GNAI1: variants seen among roughly 807,000 people sequenced by gnomAD.
The protein encoded by GNAI1 is G protein subunit alpha i1.
Under a neutral mutation model 38.9 loss-of-function variants are expected in GNAI1, and 11 were observed. The ratio of observed to expected loss-of-function variants is 0.28; its 90% CI spans 0.18 to 0.47. The LOEUF (loss-of-function observed/expected upper bound fraction) is 0.47. GNAI1 is among the 20% of genes least tolerant of loss of function. The pLI is 0.99. For synonymous variants in GNAI1, 166 were observed against 145.1 expected (o/e 1.14, Z -1.04); for missense variants, 317 against 436.9 (o/e 0.73, Z 2.45).
chr7:80,138,075 T>A (rs1040063497), intron 1 of GNAI1, among the ~76,000 whole-genome samples: 3 of 152,206 alleles, frequency 2.0e-5, no homozygotes, highest in Non-Finnish European at 4.4e-5. Flanking sequence ...GTATAACCAG[T>A]GTCACAGCCA....
At chr7:80,211,443 G>A (rs1788871592) in intron 6 of GNAI1, among the ~76,000 whole-genome samples, 1 of 148,602 alleles carries the variant, frequency 6.7e-6, no homozygotes, top group Non-Finnish European at 1.5e-5. Flanking sequence ...TTTTGAGACG[G>A]AGTCTCGCCC....
intron 1 of GNAI1, among the ~76,000 whole-genome samples, chr7:80,144,358 TC>T (rs1455060579): frequency 6.6e-6 from 1 of 152,124 alleles, no homozygotes; most frequent in East Asian, 1.9e-4. Context: ...TTCTAAAACT[TC>T]CTGCACTGTT....
At chr7:80,189,999 T>C (rs1376246255) in intron 3 of GNAI1, among the ~76,000 whole-genome samples, 4 of 152,062 alleles carry the variant, frequency 2.6e-5, no homozygotes, top group African/African-American at 9.7e-5. Flanking sequence ...CTAGCAGATA[T>C]ATTATTGTAT....
At chr7:80,209,622 G>A (rs573690301) in intron 5 of GNAI1, among the ~76,000 whole-genome samples, 7 of 152,136 alleles carry the variant, frequency 4.6e-5, no homozygotes, top group Non-Finnish European at 8.8e-5. Context: ...GGAAATGTGG[G>A]CTAGGGTCAT....
At chr7:80,166,545 C>T (rs2116143775) in intron 1 of GNAI1, among the ~76,000 whole-genome samples, 1 of 152,220 alleles carries the variant, frequency 6.6e-6, no homozygotes. Flanking sequence ...ACTGGAGAGC[C>T]TCTTAGTTCC....
chr7:80,146,115 C>G (rs1437441750), intron 1 of GNAI1, among the ~76,000 whole-genome samples: 3 of 152,138 alleles, frequency 2.0e-5, no homozygotes, highest in Non-Finnish European at 4.4e-5. Context: ...ACTTTCTTAA[C>G]CCAAACAGGC....
At chr7:80,154,051 T>C (rs551104230) in intron 1 of GNAI1, among the ~76,000 whole-genome samples, 87 of 152,242 alleles carry the variant, frequency 5.7e-4, no homozygotes, top group African/African-American at 2.0e-3. Context: ...GCCCCCCAAG[T>C]AGCTGGGACT....
chr7:80,155,918 G>A (rs1202835731), intron 1 of GNAI1, among the ~76,000 whole-genome samples: 2 of 151,816 alleles, frequency 1.3e-5, no homozygotes, highest in East Asian at 3.9e-4. Flanking sequence ...TAGGCGTGGT[G>A]GCGTATGCCT....
intron 1 of GNAI1, among the ~76,000 whole-genome samples, chr7:80,177,665 T>C (rs978409604): frequency 2.6e-5 from 4 of 151,966 alleles, no homozygotes; most frequent in African/African-American, 9.7e-5. Context: ...TTTTGTAGAG[T>C]TGGGGGTCTT....
rs893846624 is a variant in GNAI1 at position 80,220,429 on chromosome 7, T to C, written c.*2936T>C. Among the ~76,000 whole-genome samples the C allele has an allele frequency of 1.3e-5, 2 of 152,040 alleles. No individual in the cohort carries two copies. Among genetic ancestry groups the C allele is most frequent in the Non-Finnish European group, 2.9e-5 (2 of 68,044 alleles). ...TGGCATCTGTTCTTCAGGGTGCCCTTCTGGGAACTACATGATTCTGATAGA... is the reference window on the plus strand; with the variant it reads ...TGGCATCTGTTCTTCAGGGTGCCCTCCTGGGAACTACATGATTCTGATAGA... On this transcript the variant is annotated 3_prime_UTR_variant, in exon 8 of 8. Transcript: ENST00000649796.
intron 1 of GNAI1, among the ~76,000 whole-genome samples, chr7:80,163,108 G>A (rs1384167950): frequency 6.6e-6 from 1 of 152,132 alleles, no homozygotes; most frequent in East Asian, 1.9e-4. Flanking sequence ...GTCTATCTGG[G>A]ACTTGTGTTG....
At chr7:80,152,012 C>G (rs560630946) in intron 1 of GNAI1, among the ~76,000 whole-genome samples, 3 of 152,304 alleles carry the variant, frequency 2.0e-5, no homozygotes, top group East Asian at 1.9e-4. Context: ...AATTTTTTCA[C>G]TTTGTTCTCC....
At chr7:80,175,125 G>A (rs1284757994) in intron 1 of GNAI1, among the ~76,000 whole-genome samples, 1 of 152,028 alleles carries the variant, frequency 6.6e-6, no homozygotes, top group African/African-American at 2.4e-5. Context: ...GACAAACTAT[G>A]GTTAGTCCAC....
In GNAI1 at chr7:80,221,160, G is replaced by A. The variant is rs28647788; in HGVS notation, c.*3667G>A. ...ATCCTAGGCTCTGGCACCCCGTCTG[G>A]CTTCAAATCCTGGCTCAATTTCTTA... On this transcript the variant is annotated 3_prime_UTR_variant, in exon 8 of 8. Coordinates refer to ENST00000649796, the MANE Select transcript of GNAI1 (RefSeq NM_002069.6). Among the ~76,000 whole-genome samples, 13,943 of 152,198 alleles carry A rather than the reference G, an allele frequency of 0.092. 809 individuals carry two copies. Among genetic ancestry groups the A allele is most frequent in the South Asian group, 0.2 (946 of 4,826 alleles).
intron 7 of GNAI1, among the ~76,000 whole-genome samples, chr7:80,213,815 G>A (rs1788913327): frequency 6.6e-6 from 1 of 151,098 alleles, no homozygotes; most frequent in South Asian, 2.1e-4. Context: ...GAAGAGTTTA[G>A]TTATTTACCC....
chr7:80,195,559 CCAT>C (rs964478853), intron 3 of GNAI1, among the ~76,000 whole-genome samples: 16 of 152,054 alleles, frequency 1.1e-4, no homozygotes, highest in African/African-American at 3.9e-4. Flanking sequence ...TAAACATAAT[CCAT>C]CACATAAACA....
At chr7:80,162,865 G>A (rs186572733) in intron 1 of GNAI1, among the ~76,000 whole-genome samples, 4 of 152,306 alleles carry the variant, frequency 2.6e-5, no homozygotes, top group East Asian at 3.9e-4. Context: ...AAGAGAAACC[G>A]CAAGGAAGAA....
At chr7:80,152,547 C>T (rs1787746109) in intron 1 of GNAI1, among the ~76,000 whole-genome samples, 1 of 144,970 alleles carries the variant, frequency 6.9e-6, no homozygotes, top group African/African-American at 2.5e-5. Flanking sequence ...GGGGTAGATT[C>T]GGTCTCAATT....
At chr7:80,163,452 G>A (rs996796186) in intron 1 of GNAI1, among the ~76,000 whole-genome samples, 3 of 152,174 alleles carry the variant, frequency 2.0e-5, no homozygotes, top group Non-Finnish European at 4.4e-5. Flanking sequence ...TGTGTTTAGC[G>A]AACTCTTCAC....
Sources: gnomAD v4.1 joint callset for allele counts (sites outside exome capture counted in the v4.1 genomes callset) on GRCh38, gnomAD v4.1.1 for gene constraint, MANE v1.5 for transcripts, NCBI Gene and HGNC (gene_info 2026-07-23, HGNC 2026-07-21) for gene names.